ZNF75D: variants seen among roughly 807,000 people sequenced by gnomAD.
ZNF75D encodes zinc finger protein 75.
A neutral mutation model predicts 33.3 loss-of-function variants in ZNF75D; 33 were observed. The ratio of observed to expected loss-of-function variants is 0.99; its 90% CI spans 0.75 to 1.32. The LOEUF is 1.32. ZNF75D is among the 40% of genes most tolerant of loss of function. ZNF75D has a pLI of 0.00. For synonymous variants in ZNF75D, 113 were observed against 130.6 expected (o/e 0.87, Z 0.92); for missense variants, 338 against 367.5 (o/e 0.92, Z 0.66).
chrX:135,263,694 A>T (rs1359105117), intron 1 of ZNF75D, among the ~76,000 whole-genome samples: 1 of 112,393 alleles, frequency 8.9e-6, no homozygotes, highest in African/African-American at 3.2e-5. Flanking sequence ...TTGGGCAGGG[A>T]GTGTCCCGTT....
In ZNF75D at chrX:135,342,480, G is replaced by A. The variant is rs2084796018; in HGVS notation, c.-1103C>T. On this transcript the variant is annotated 5_prime_UTR_variant, in exon 1 of 7. Transcript: ENST00000370766. ...AAACTCAAGGTTTTTATGATGCCAT[G>A]ACCCAGAGTGAATGTGTGTATGTGC... 1 of 111,934 alleles carries A rather than the reference G, an allele frequency of 8.9e-6. No homozygotes were observed. Among genetic ancestry groups the A allele is most frequent in the African/African-American group, 3.3e-5 (1 of 30,742 alleles). 9.2% of individuals were successfully genotyped at this position (111,934 alleles called of 1,213,427 possible).
At chrX:135,280,617 G>A (rs2083916593) in intron 1 of ZNF75D, among the ~76,000 whole-genome samples, 1 of 111,845 alleles carries the variant, frequency 8.9e-6, no homozygotes, top group Admixed American at 9.5e-5. Context: ...TTTTTGCAGT[G>A]GCTGGTACCG....
intron 1 of ZNF75D, among the ~76,000 whole-genome samples, chrX:135,258,029 T>G (rs1330700526): frequency 9.2e-6 from 1 of 109,036 alleles, no homozygotes; most frequent in Non-Finnish European, 1.9e-5. Flanking sequence ...GATCTCATTG[T>G]TCAATTACCA....
At chrX:135,281,994 G>A (rs2083921747), downstream of ZNF75D, among the ~76,000 whole-genome samples, 1 of 112,526 alleles carries the variant, frequency 8.9e-6, no homozygotes, top group South Asian at 3.7e-4. Context: ...GAGGCAGTCT[G>A]TCCCTTAGCA....
At chrX:135,299,505 ATT>A (rs1274538280) in intron 1 of ZNF75D, among the ~76,000 whole-genome samples, 1 of 112,030 alleles carries the variant, frequency 8.9e-6, no homozygotes. Context: ...AGTTGTAATC[ATT>A]GTTTATATAT....
intron 1 of ZNF75D, among the ~76,000 whole-genome samples, chrX:135,304,347 A>G (rs1208987103): frequency 8.9e-6 from 1 of 111,964 alleles, no homozygotes; most frequent in Non-Finnish European, 1.9e-5. Flanking sequence ...GAATATAATG[A>G]TAGGAACATG....
At chrX:135,318,834 C>T (rs985370229) in intron 1 of ZNF75D, among the ~76,000 whole-genome samples, 5 of 110,767 alleles carry the variant, frequency 4.5e-5, no homozygotes, top group African/African-American at 9.9e-5. Context: ...AAATCTTTGA[C>T]GTAAGATAGA....
At position 135,301,194 on chromosome X, in the gene ZNF75D, G is replaced by A. The variant is rs782548596; in HGVS notation, c.-390-5155C>T. 9.9e-5 allele frequency among the ~76,000 whole-genome samples: 11 copies of A among 111,346 alleles called. No homozygotes were observed. The Admixed American group carries it at 1.0e-3, about 11-fold the overall frequency. ...CTCATAAGAACTCACTCACTATCAC[G>A]AGAACAGCATGGGGGAAACCATCTC... On this transcript the variant is annotated intron_variant, in intron 1 of 6. Transcript: ENST00000370766.
intron 1 of ZNF75D, among the ~76,000 whole-genome samples, chrX:135,309,105 C>A (rs1181832542): frequency 1.8e-5 from 2 of 112,039 alleles, no homozygotes; most frequent in African/African-American, 6.5e-5. Context: ...GAAAAGAAGG[C>A]AGCTCTGCAA....
intron 2 of ZNF75D, among the ~76,000 whole-genome samples, chrX:135,295,413 G>A (rs1335878745): frequency 8.9e-6 from 1 of 112,157 alleles, no homozygotes; most frequent in East Asian, 2.8e-4. Flanking sequence ...ACAACTTATA[G>A]ATCAACCACA....
chrX:135,260,655 A>G (rs1467726820), intron 1 of ZNF75D, among the ~76,000 whole-genome samples: 2 of 111,437 alleles, frequency 1.8e-5, no homozygotes, highest in East Asian at 5.6e-4. Context: ...CTTTATCATT[A>G]TATTTTATTG....
intron 1 of ZNF75D, among the ~76,000 whole-genome samples, chrX:135,265,997 T>C (rs2083861674): frequency 1.8e-5 from 2 of 112,341 alleles, no homozygotes; most frequent in Non-Finnish European, 3.8e-5. Flanking sequence ...TGAATTATTA[T>C]TAGTTTTCTT....
At chrX:135,262,675 T>C (rs2083847341) in intron 1 of ZNF75D, among the ~76,000 whole-genome samples, 1 of 112,247 alleles carries the variant, frequency 8.9e-6, no homozygotes, top group African/African-American at 3.2e-5. Context: ...ACACTGTTTA[T>C]TCTAGTTAGC....
At chrX:135,302,827 T>C (rs1396914147) in intron 1 of ZNF75D, among the ~76,000 whole-genome samples, 2 of 109,790 alleles carry the variant, frequency 1.8e-5, no homozygotes, top group African/African-American at 6.7e-5. Flanking sequence ...AGAGACAAAG[T>C]ATAGAGAAAG....
chrX:135,271,420 G>A (rs1016784377), intron 1 of ZNF75D, among the ~76,000 whole-genome samples: 1 of 111,423 alleles, frequency 9.0e-6, no homozygotes, highest in African/African-American at 3.3e-5. Context: ...ACACATAATG[G>A]GTGTTTGATA....
rs2084030166 is a variant in ZNF75D, at chrX:135,290,996, G to A, written c.823+13C>T. 3 of 1,200,887 alleles carry A rather than the reference G, an allele frequency of 2.5e-6. No homozygotes were observed. The highest frequency in any genetic ancestry group is 1.8e-5 in the South Asian group (1 of 55,465). On this transcript the variant is annotated intron_variant, in intron 6 of 6. Transcript: ENST00000370766. Reference sequence around the variant, plus strand: ...TACTTAACTTCTACACAATGGGAAGGAAGAATCTTTACCTAGAGAGATGAC... The same window carrying A: ...TACTTAACTTCTACACAATGGGAAGAAAGAATCTTTACCTAGAGAGATGAC...
At chrX:135,283,680 G>A (rs782179995), downstream of ZNF75D, among the ~76,000 whole-genome samples, 10 of 111,945 alleles carry the variant, frequency 8.9e-5, no homozygotes, top group African/African-American at 2.6e-4. Flanking sequence ...CTCCTTCCCT[G>A]AAAGAATGGA....
chrX:135,269,812 G>A (rs1643896836), intron 1 of ZNF75D, among the ~76,000 whole-genome samples: 1 of 111,609 alleles, frequency 9.0e-6, no homozygotes, highest in African/African-American at 3.3e-5. Context: ...TTGCCGCACT[G>A]GTCACAATAA....
chrX:135,278,589 G>A (rs1279802345), intron 1 of ZNF75D, among the ~76,000 whole-genome samples: 4 of 111,835 alleles, frequency 3.6e-5, no homozygotes, highest in Admixed American at 2.8e-4. Context: ...AATGCTCCCA[G>A]CTTTTGCCCA....
Sources: gnomAD v4.1 joint callset for allele counts (sites outside exome capture counted in the v4.1 genomes callset) on GRCh38, gnomAD v4.1.1 for gene constraint, MANE v1.5 for transcripts, NCBI Gene and HGNC (gene_info 2026-07-23, HGNC 2026-07-21) for gene names.